AFAP1L2: variants seen among roughly 807,000 people sequenced by gnomAD.
The protein encoded by AFAP1L2 is actin filament associated protein 1 like 2.
Under a neutral mutation model 99.3 loss-of-function variants are expected in AFAP1L2, and 46 were observed. That is an observed-to-expected ratio of 0.46 (90% CI 0.37 to 0.59). The LOEUF is 0.59. Among genes scored for constraint, AFAP1L2 ranks in the 20% least tolerant of loss-of-function variants. The probability of loss-of-function intolerance (pLI) is 0.00; values close to 1 mark genes in which losing one functional copy is unlikely to be tolerated. For missense variants in AFAP1L2, 959 were observed against 1,034.9 expected (o/e 0.93, Z 1.01); for synonymous variants, 397 against 419.1 (o/e 0.95, Z 0.64).
chr10:114,369,594 CAAAAA>C (rs34904418), intron 1 of AFAP1L2, among the ~76,000 whole-genome samples: 45 of 74,648 alleles, frequency 6.0e-4, no homozygotes, highest in African/African-American at 2.2e-3. Context: ...GACTCCGACT[CAAAAA>C]AAAAAAAAAA....
the AFAP1L2 span, among the ~76,000 whole-genome samples, chr10:114,287,463 G>A: frequency 2.0e-5 from 3 of 152,290 alleles, no homozygotes; most frequent in East Asian, 3.9e-4. Flanking sequence ...TTACAGGCTT[G>A]AGTGAAATGT....
At chr10:114,305,226 TAAAG>T (rs1172485815) in intron 10 of AFAP1L2, 1 of 103,544 alleles carries the variant, frequency 9.7e-6, no homozygotes, top group African/African-American at 6.2e-5. Context: ...GGCATGCAGA[TAAAG>T]GAGGGGGCGG....
intron 1 of AFAP1L2, chr10:114,362,959 G>A (rs938645009): frequency 1.0e-5 from 10 of 985,230 alleles, no homozygotes; most frequent in Admixed American, 1.2e-4. Context: ...AAAAGCTGAC[G>A]CACAGTGGGC....
At chr10:114,313,678 G>T (rs1173764984) in intron 7 of AFAP1L2, among the ~76,000 whole-genome samples, 193 bp downstream of exon 7, 1 of 152,202 alleles carries the variant, frequency 6.6e-6, no homozygotes, top group Non-Finnish European at 1.5e-5. Flanking sequence ...CCGGGCTACT[G>T]GGGATTCAGA....
intron 1 of AFAP1L2, among the ~76,000 whole-genome samples, chr10:114,395,477 T>C: frequency 6.6e-6 from 1 of 152,238 alleles, no homozygotes. Flanking sequence ...CAATATGTTC[T>C]AGGACTGTGG....
At chr10:114,313,341 C>T (rs1458751990) in intron 7 of AFAP1L2, among the ~76,000 whole-genome samples, 1 of 152,152 alleles carries the variant, frequency 6.6e-6, no homozygotes, top group African/African-American at 2.4e-5. Flanking sequence ...GACGCGTGGG[C>T]AGAGTGGGCC....
intron 1 of AFAP1L2, among the ~76,000 whole-genome samples, chr10:114,376,457 T>A (rs1052483436): frequency 2.0e-5 from 3 of 152,210 alleles, no homozygotes; most frequent in African/African-American, 7.2e-5. Context: ...CTGACTAGCA[T>A]ATAGACAGTC....
At chr10:114,310,076 C>T (rs1293385964) in intron 8 of AFAP1L2, among the ~76,000 whole-genome samples, 2 of 151,978 alleles carry the variant, frequency 1.3e-5, no homozygotes, top group Non-Finnish European at 2.9e-5. Context: ...TACAGGCGCC[C>T]ACCACCACGC....
intron 4 of AFAP1L2, among the ~76,000 whole-genome samples, chr10:114,328,102 C>T (rs1010871433): frequency 7.2e-5 from 11 of 152,208 alleles, no homozygotes; most frequent in African/African-American, 2.7e-4. Context: ...CTGCAAGGAC[C>T]ACGGCACCTG....
intron 4 of AFAP1L2, among the ~76,000 whole-genome samples, chr10:114,327,519 G>A (rs1367480053): frequency 6.6e-6 from 1 of 152,090 alleles, no homozygotes; most frequent in Non-Finnish European, 1.5e-5. Flanking sequence ...GGGACTGCGT[G>A]AGCGAGTCAG....
chr10:114,290,091 G>C, downstream of AFAP1L2: 1 of 1,001,434 alleles, frequency 1.0e-6, no homozygotes, highest in Non-Finnish European at 1.4e-6. Context: ...ACCTAGCCAA[G>C]TGGTATGCAG....
intron 7 of AFAP1L2, among the ~76,000 whole-genome samples, chr10:114,313,274 C>T (rs1405469084): frequency 6.6e-6 from 1 of 152,144 alleles, no homozygotes; most frequent in Non-Finnish European, 1.5e-5. Context: ...GCATCAAGCC[C>T]AGCTTTCACC....
At chr10:114,314,741 T>C (rs2043837082) in intron 6 of AFAP1L2, among the ~76,000 whole-genome samples, 1 of 101,622 alleles carries the variant, frequency 9.8e-6, no homozygotes, top group Admixed American at 1.2e-4. Flanking sequence ...AACAGGACTG[T>C]TGTCAGAGTA....
rs1392631051 is a variant in AFAP1L2 at position 114,301,567 on chromosome 10, G to GT, written c.1431-103dup. 14 of 843,976 alleles carry GT rather than the reference G, an allele frequency of 1.7e-5. No homozygotes were observed. In the African/African-American group the frequency reaches 2.1e-4, roughly 13 times the overall value. The allele number at this position is 843,976 out of a possible 1,614,324, so 52.3% of individuals were successfully genotyped here. On this transcript the variant is annotated intron_variant, in intron 12 of 18. Coordinates refer to ENST00000304129, the MANE Select transcript of AFAP1L2 (RefSeq NM_001001936.3). ...GTGAGGAGTGGTTGCCGTGAAAGTGGTGGCCACACAAGAGATCTGGGGGCT... is the reference window on the plus strand; with the variant it reads ...GTGAGGAGTGGTTGCCGTGAAAGTGGTTGGCCACACAAGAGATCTGGGGGCT...
rs1468505230 is a variant in AFAP1L2, at chr10:114,398,797, A to G, written c.16+5643T>C. 2.3e-6 allele frequency: 3 copies of G among 1,298,736 alleles called. No individual in the cohort carries two copies. In the East Asian group the frequency reaches 1.7e-4, roughly 72 times the overall value. 80.5% of individuals were successfully genotyped at this position (1,298,736 alleles called of 1,614,324 possible). A position where few individuals can be genotyped will look rare whatever the true frequency, so the allele number is the denominator to read the frequency against. ...GCAGAGCCAGGTCTGCACCCTCGGG[A>G]GCCCTGGAGGCCAGGTGAGCTGCTG... On this transcript the variant is annotated intron_variant, in intron 1 of 18. Transcript: ENST00000304129.
chr10:114,303,677 C>T (rs1792731555), intron 11 of AFAP1L2, among the ~76,000 whole-genome samples: 1 of 152,172 alleles, frequency 6.6e-6, no homozygotes, highest in Admixed American at 6.5e-5. Context: ...TGCGTCTCTG[C>T]CCTGGACAGC....
At chr10:114,312,149 T>C (rs1446722583) in intron 7 of AFAP1L2, among the ~76,000 whole-genome samples, 1 of 151,100 alleles carries the variant, frequency 6.6e-6, no homozygotes, top group Non-Finnish European at 1.5e-5. Context: ...CGTGAGAGTT[T>C]GGGGAGGGAG....
intron 1 of AFAP1L2, among the ~76,000 whole-genome samples, chr10:114,392,741 A>AT (rs1374386108): frequency 6.6e-6 from 1 of 152,110 alleles, no homozygotes; most frequent in Non-Finnish European, 1.5e-5. Context: ...CACCTTTGTT[A>AT]TTTTTTCCAA....
intron 2 of AFAP1L2, 58 bp downstream of exon 2, chr10:114,340,545 A>T: frequency 6.4e-7 from 1 of 1,566,084 alleles, no homozygotes; most frequent in Non-Finnish European, 8.7e-7. Context: ...GCCCGCACTG[A>T]CTCACAACCA....
Sources: gnomAD v4.1 joint callset for allele counts (sites outside exome capture counted in the v4.1 genomes callset) on GRCh38, gnomAD v4.1.1 for gene constraint, MANE v1.5 for transcripts, NCBI Gene and HGNC (gene_info 2026-07-23, HGNC 2026-07-21) for gene names.